Variants in OR6N1 observed in about 807,000 individuals in gnomAD.
OR6N1 encodes the protein olfactory receptor 6N1.
For synonymous variants in OR6N1, 170 were observed against 150.7 expected (o/e 1.13, Z -0.94); for missense variants, 394 against 371.7 (o/e 1.06, Z -0.49).
At chr1:158,787,540 T>C in the OR6N1 span, among the ~76,000 whole-genome samples, 1 of 151,898 alleles carries the variant, frequency 6.6e-6, no homozygotes, top group Non-Finnish European at 1.5e-5. Flanking sequence ...CCATGGGCCT[T>C]AGCTGGATAC....
At chr1:158,839,570 C>T in the OR6N1 span, among the ~76,000 whole-genome samples, 1 of 152,154 alleles carries the variant, frequency 6.6e-6, no homozygotes, top group African/African-American at 2.4e-5. Flanking sequence ...GAAGCAGTTA[C>T]TAGTCCCTCA....
rs1657240401 is a variant in OR6N1, at chr1:158,765,861, C to T, written c.822G>A (p.Leu274=). Residue 274 remains leucine, a synonymous_variant, in exon 2 of 2, where the codon CTG becomes CTA. Transcript: ENST00000641846. The part of the protein sequence containing the change: ...KSYSLDYDQA[L]AVVYSVLTPF... ...GTGTGAGCACTGAGTAGACCACTGC[C>T]AGGGCCTGGTCATAGTCCAGTGAGT... is the stretch of plus-strand genomic sequence containing the variant. 2 of 1,613,980 alleles carry T rather than the reference C, an allele frequency of 1.2e-6. No individual in the cohort carries two copies. The highest frequency in any genetic ancestry group is 1.7e-5 in the Admixed American group (1 of 60,002).
At chr1:158,778,476 C>T in the OR6N1 span, among the ~76,000 whole-genome samples, 1 of 152,162 alleles carries the variant, frequency 6.6e-6, no homozygotes, top group Admixed American at 6.5e-5. Flanking sequence ...ATGAAGGAAA[C>T]ACATGTTCCC....
At chr1:158,791,522 T>C in the OR6N1 span, among the ~76,000 whole-genome samples, 2 of 148,670 alleles carry the variant, frequency 1.3e-5, no homozygotes, top group Non-Finnish European at 3.0e-5. Flanking sequence ...CAGGCTGGAG[T>C]GCAGTGGCGC....
chr1:158,766,194 A>T lies in OR6N1; in HGVS notation c.489T>A (p.Ile163=), dbSNP rs780504371. Residue 163 remains isoleucine (I), a synonymous_variant, in exon 2 of 2, where the codon ATT becomes ATA. Transcript: ENST00000641846. The stretch of plus-strand genomic sequence containing the variant: ...TGGGGCCACAGAATGGGAGGCGTGA[A>T]ATCAAGGAAATTTCAACTACTGGCC... ...LAGPVVEISL[I]SRLPFCGPNR... 1 of 1,614,146 alleles carries T rather than the reference A, an allele frequency of 6.2e-7. No individual in the cohort carries two copies. The highest frequency in any genetic ancestry group is 1.1e-5 in the South Asian group (1 of 91,082).
upstream of OR6N1, among the ~76,000 whole-genome samples, chr1:158,772,680 CA>C (rs1191519068): frequency 6.6e-6 from 1 of 152,154 alleles, no homozygotes; most frequent in African/African-American, 2.4e-5. Flanking sequence ...TGTTGTCTTA[CA>C]CACTGCAGTC....
chr1:158,833,777 C>T, the OR6N1 span, among the ~76,000 whole-genome samples: 1 of 152,270 alleles, frequency 6.6e-6, no homozygotes, highest in South Asian at 2.1e-4. Context: ...AATACTTTCA[C>T]ATTTTTCTGT....
the OR6N1 span, among the ~76,000 whole-genome samples, chr1:158,832,428 G>T: frequency 9.2e-5 from 14 of 151,800 alleles, no homozygotes; most frequent in Non-Finnish European, 2.1e-4. Context: ...GAGAGATGTG[G>T]TGAAATCTCC....
chr1:158,782,622 C>A, the OR6N1 span, among the ~76,000 whole-genome samples: 1 of 152,284 alleles, frequency 6.6e-6, no homozygotes, highest in Non-Finnish European at 1.5e-5. Context: ...GAAAGCTAAG[C>A]TTGCTCTGGA....
rs765702580 is a variant in OR6N1 at position 158,766,250 on chromosome 1, C to T, written c.433G>A (p.Ala145Thr). Reference sequence around the variant, plus strand: ...AAGCCTCCCAACCAACAGCCAATGGCAATCTCTGCACAAAGTGTTGGGGTC... The same window carrying T: ...AAGCCTCCCAACCAACAGCCAATGGTAATCTCTGCACAAAGTGTTGGGGTC... ...LMTPTLCAEI[A>T]IGCWLGGLAG... Residue 145 changes from alanine (A) to threonine (T), a missense_variant, in exon 2 of 2, where the codon GCC becomes ACC. By Grantham distance (58) the Ala-to-Thr change is moderately conservative. Coordinates refer to ENST00000641846, the MANE Select transcript of OR6N1 (RefSeq NM_001005185.2). 11 of 1,614,062 alleles carry T rather than the reference C, an allele frequency of 6.8e-6. No individual in the cohort carries two copies. The highest frequency in any genetic ancestry group is 7.6e-6 in the Non-Finnish European group (9 of 1,180,024).
the OR6N1 span, among the ~76,000 whole-genome samples, chr1:158,836,129 G>A: frequency 4.1e-4 from 58 of 140,954 alleles, no homozygotes; most frequent in African/African-American, 1.1e-3. Context: ...AATTATGTTC[G>A]CTAGCATTTT....
chr1:158,825,638 A>T, the OR6N1 span, among the ~76,000 whole-genome samples: 1 of 152,202 alleles, frequency 6.6e-6, no homozygotes, highest in Admixed American at 6.5e-5. Flanking sequence ...GATGCTGGCA[A>T]GGTTACAGAG....
the OR6N1 span, among the ~76,000 whole-genome samples, chr1:158,792,761 T>A: frequency 6.6e-5 from 10 of 152,232 alleles, no homozygotes; most frequent in Non-Finnish European, 1.3e-4. Flanking sequence ...GCTGTTAGTC[T>A]GATAGGTTTT....
At chr1:158,834,807 T>C in the OR6N1 span, among the ~76,000 whole-genome samples, 1 of 152,220 alleles carries the variant, frequency 6.6e-6, no homozygotes, top group Non-Finnish European at 1.5e-5. Flanking sequence ...TTGTATATGA[T>C]GTAGGTAAGG....
the OR6N1 span, among the ~76,000 whole-genome samples, chr1:158,788,139 G>C: frequency 1.3e-5 from 2 of 152,170 alleles, no homozygotes; most frequent in Admixed American, 6.5e-5. Context: ...GTTTAGAAAT[G>C]TTTATAAATT....
chr1:158,769,031 A>G (rs1406595231), intron 1 of OR6N1, among the ~76,000 whole-genome samples: 1 of 152,162 alleles, frequency 6.6e-6, no homozygotes, highest in Non-Finnish European at 1.5e-5. Flanking sequence ...TATAGTTACA[A>G]CTCAATAAAT....
At chr1:158,784,679 T>G in the OR6N1 span, among the ~76,000 whole-genome samples, 1 of 152,222 alleles carries the variant, frequency 6.6e-6, no homozygotes, top group Non-Finnish European at 1.5e-5. Context: ...GATATTTGTC[T>G]TTCTATACCT....
the OR6N1 span, among the ~76,000 whole-genome samples, chr1:158,820,808 A>G: frequency 6.6e-6 from 1 of 152,316 alleles, no homozygotes; most frequent in African/African-American, 2.4e-5. Flanking sequence ...ATTTCCAACA[A>G]GGGCAAGGAG....
At chr1:158,800,330 GAAAA>G in the OR6N1 span, among the ~76,000 whole-genome samples, 1 of 148,880 alleles carries the variant, frequency 6.7e-6, no homozygotes, top group Admixed American at 6.7e-5. Flanking sequence ...ACCTAGGAAA[GAAAA>G]AAAAAATCAA....
Sources: allele counts gnomAD v4.1 joint callset (sites outside exome capture counted in the v4.1 genomes callset), GRCh38; gene constraint gnomAD v4.1.1; transcripts MANE v1.5; gene names NCBI Gene and HGNC (gene_info 2026-07-23, HGNC 2026-07-21).